CXCL12: variants seen among roughly 807,000 people sequenced by gnomAD.
CXCL12 encodes the protein stromal cell-derived factor 1.
Under a neutral mutation model 10.7 loss-of-function variants are expected in CXCL12, and 4 were observed. That is an observed-to-expected ratio of 0.37 (90% CI 0.18 to 0.86). The LOEUF (loss-of-function observed/expected upper bound fraction) is 0.86, where lower values mean the gene tolerates loss of function less well. Ranked by LOEUF, CXCL12 falls within the 40% of genes least tolerant of loss-of-function variation. The pLI is 0.43. For missense variants in CXCL12, 122 were observed against 110.4 expected (o/e 1.10, Z -0.47); for synonymous variants, 54 against 45.4 (o/e 1.19, Z -0.77).
chr10:44,377,317 T>G lies in CXCL12; in HGVS notation c.*1316A>C. On this transcript the variant is annotated 3_prime_UTR_variant, in exon 3 of 3. Coordinates refer to ENST00000343575, the MANE Select transcript of CXCL12 (RefSeq NM_199168.4). ...AATAGAGAAGTATAAACTACTGACA[T>G]TCATATGGCTCCACTTCAAATATAT... The G allele has an allele frequency of 9.7e-7, 1 of 1,028,726 alleles. No homozygotes were observed. Among genetic ancestry groups the G allele is most frequent in the Non-Finnish European group, 1.2e-6 (1 of 856,032 alleles). The allele number at this position is 1,028,726 out of a possible 1,614,324, so 63.7% of individuals were successfully genotyped here.
At chr10:44,371,232 T>A, downstream of CXCL12, 1 of 281,720 alleles carries the variant, frequency 3.5e-6, no homozygotes, top group South Asian at 2.9e-5. Flanking sequence ...TCTACTCTTA[T>A]CTATTTTCTC....
chr10:44,375,846 G>T, downstream of CXCL12: 1 of 1,574,730 alleles, frequency 6.4e-7, no homozygotes, highest in Non-Finnish European at 8.6e-7. Flanking sequence ...CCCCTGCCCA[G>T]TCTGCATGGG....
chr10:44,385,006 G>T lies in CXCL12; in HGVS notation c.-1C>A. On this transcript the variant is annotated 5_prime_UTR_variant, in exon 1 of 3. Coordinates refer to ENST00000343575, the MANE Select transcript of CXCL12 (RefSeq NM_199168.4). ...GCACGACCACGACCTTGGCGTTCAT[G>T]GCGCGGGCGGGCGGGCGGGCGGGCG... 6.8e-7 allele frequency: 1 copy of T among 1,461,152 alleles called. No homozygotes were observed. The highest frequency in any genetic ancestry group is 1.3e-5 in the South Asian group (1 of 76,532). The allele number at this position is 1,461,152 out of a possible 1,614,324, so 90.5% of individuals were successfully genotyped here.
chr10:44,376,913 TAAAA>T (rs36112451), downstream of CXCL12: 4 of 145,244 alleles, frequency 2.8e-5, no homozygotes, highest in Non-Finnish European at 5.7e-5. Context: ...TCAATCGGGT[TAAAA>T]AAAAAAAAAA....
Position 44,377,985 on chromosome 10 carries a change from C to T in CXCL12, c.*648G>A. On this transcript the variant is annotated 3_prime_UTR_variant, in exon 3 of 3. Transcript: ENST00000343575. ...GAGTAGGAATAGCTGGGAGAGGGGT[C>T]TCTGAGCACAGTCCCAGTAATAGTG... 1 of 1,513,952 alleles carries T rather than the reference C, an allele frequency of 6.6e-7. No individual in the cohort carries two copies. The highest frequency in any genetic ancestry group is 8.8e-7 in the Non-Finnish European group (1 of 1,141,942). The allele number at this position is 1,513,952 out of a possible 1,614,324, so 93.8% of individuals were successfully genotyped here. A position where few individuals can be genotyped will look rare whatever the true frequency, so the allele number is the denominator to read the frequency against.
downstream of CXCL12, chr10:44,376,027 C>T (rs768475407): frequency 1.3e-5 from 21 of 1,612,838 alleles, no homozygotes; most frequent in East Asian, 1.8e-4. Flanking sequence ...TTCTTCTCTG[C>T]GCCCCCTTAG....
rs1429823600 is a variant in CXCL12, at chr10:44,385,025, GCGGGCGGA to G, written c.-28_-21del. The G allele has an allele frequency of 7.2e-6, 3 of 418,458 alleles. No individual in the cohort carries two copies. Among genetic ancestry groups the G allele is most frequent in the Non-Finnish European group, 1.3e-5 (3 of 222,904 alleles). The allele number at this position is 418,458 out of a possible 1,614,324, so 25.9% of individuals were successfully genotyped here. On this transcript the variant is annotated 5_prime_UTR_variant, in exon 1 of 3. Transcript: ENST00000343575. ...GTTCATGGCGCGGGCGGGCGGGCGG[GCGGGCGGA>G]CGAGCGCGGGTCGGGGGCCGGACGC... is the stretch of plus-strand genomic sequence containing the variant.
chr10:44,380,849 T>C lies in CXCL12; in HGVS notation c.93A>G (p.Pro31=), dbSNP rs551370130. 1.2e-6 allele frequency: 2 copies of C among 1,614,242 alleles called. No individual in the cohort carries two copies. The highest frequency in any genetic ancestry group is 2.2e-5 in the East Asian group (1 of 44,884). ...CAACATGGCTTTCGAAGAATCGGCA[T>C]GGGCATCTGTAGCTCAGGCTGACGG... is the stretch of plus-strand genomic sequence containing the variant. ...GKPVSLSYRC[P]CRFFESHVAR... The change falls in exon 2 of 3, where the codon CCA becomes CCG. Residue 31 remains proline (P), a synonymous_variant. Coordinates refer to ENST00000343575, the MANE Select transcript of CXCL12 (RefSeq NM_199168.4).
chr10:44,377,553 G>C lies in CXCL12; in HGVS notation c.*1080C>G, dbSNP rs1178722154. On this transcript the variant is annotated 3_prime_UTR_variant, in exon 3 of 3. Coordinates refer to ENST00000343575, the MANE Select transcript of CXCL12 (RefSeq NM_199168.4). ...AACCCTGCTGTGGCTTCAGGAGGGG[G>C]TAGTGGCAAGATGATGGTTTATTCA... is the stretch of plus-strand genomic sequence containing the variant. 6.9e-7 allele frequency: 1 copy of C among 1,450,916 alleles called. No individual in the cohort carries two copies. The highest frequency in any genetic ancestry group is 2.5e-5 in the East Asian group (1 of 39,400). 89.9% of individuals were successfully genotyped at this position (1,450,916 alleles called of 1,614,324 possible). A position where few individuals can be genotyped will look rare whatever the true frequency, so the allele number is the denominator to read the frequency against.
intron 1 of CXCL12, 139 bp downstream of exon 1, chr10:44,384,806 C>T (rs1479470176): frequency 2.5e-6 from 2 of 806,122 alleles, no homozygotes; most frequent in Admixed American, 3.2e-5. Flanking sequence ...CACCAGAGCG[C>T]CCAGCTAAGC....
chr10:44,378,372 A>T lies in CXCL12; in HGVS notation c.*261T>A, dbSNP rs773697704. ...ATAATACAATTTCTTTCTTAGAAAA[A>T]CCCCAGTAATAAAAGTTCCAACGTG... is the stretch of plus-strand genomic sequence containing the variant. On this transcript the variant is annotated 3_prime_UTR_variant, in exon 3 of 3. Coordinates refer to ENST00000343575, the MANE Select transcript of CXCL12 (RefSeq NM_199168.4). 1.0e-4 allele frequency: 154 copies of T among 1,528,706 alleles called. No homozygotes were observed. The highest frequency in any genetic ancestry group is 1.3e-4 in the Non-Finnish European group (147 of 1,136,078). 94.7% of individuals were successfully genotyped at this position (1,528,706 alleles called of 1,614,324 possible). A position where few individuals can be genotyped will look rare whatever the true frequency, so the allele number is the denominator to read the frequency against.
At chr10:44,376,104 T>G, downstream of CXCL12, 1 of 1,536,028 alleles carries the variant, frequency 6.5e-7, no homozygotes, top group Non-Finnish European at 8.9e-7. Flanking sequence ...GCATAAGATT[T>G]AACACTGGCC....
intron 2 of CXCL12, 103 bp from the exon 3 acceptor site, chr10:44,378,826 AC>A: frequency 3.4e-6 from 4 of 1,176,594 alleles, no homozygotes; most frequent in South Asian, 2.5e-5. Flanking sequence ...CCTCGCTGGC[AC>A]CCCGTGCTCC....
chr10:44,379,745 A>G (rs936021865), intron 2 of CXCL12, among the ~76,000 whole-genome samples: 1 of 152,230 alleles, frequency 6.6e-6, no homozygotes, highest in Non-Finnish European at 1.5e-5. Flanking sequence ...AGTGCTGTAA[A>G]GCAGGTCCAA....
At chr10:44,380,983 G>T in intron 1 of CXCL12, 103 bp from the exon 2 acceptor site, 1 of 907,650 alleles carries the variant, frequency 1.1e-6, no homozygotes, top group Non-Finnish European at 1.8e-6. Flanking sequence ...ATCAAGAGAC[G>T]GCATCACTGG....
At chr10:44,372,975 C>G (rs1409071942), downstream of CXCL12, 1 of 1,535,922 alleles carries the variant, frequency 6.5e-7, no homozygotes, top group Admixed American at 2.0e-5. Context: ...TGGGGCCAGG[C>G]TCCCTCAGCC....
chr10:44,373,442 A>C, downstream of CXCL12: 1 of 1,062,000 alleles, frequency 9.4e-7, no homozygotes, highest in Non-Finnish European at 1.4e-6. Flanking sequence ...CCTGGGGCCA[A>C]TCCCTACTTC....
downstream of CXCL12, chr10:44,371,016 AG>A (rs1839300271): frequency 5.7e-6 from 1 of 174,356 alleles, no homozygotes; most frequent in Admixed American, 6.4e-5. Context: ...CAGGTCCCGG[AG>A]GGACAGATGA....
downstream of CXCL12, chr10:44,373,274 A>G: frequency 1.3e-6 from 2 of 1,588,870 alleles, no homozygotes; most frequent in Non-Finnish European, 1.7e-6. Flanking sequence ...CTTCCCTAAC[A>G]CTGGTTTCAG....
Sources: gnomAD v4.1 joint callset for allele counts (sites outside exome capture counted in the v4.1 genomes callset) on GRCh38, gnomAD v4.1.1 for gene constraint, MANE v1.5 for transcripts, NCBI Gene and HGNC (gene_info 2026-07-23, HGNC 2026-07-21) for gene names.